ATP2C2: variants seen among roughly 807,000 people sequenced by gnomAD.
ATP2C2 encodes the protein calcium-transporting ATPase type 2C member 2.
A neutral mutation model predicts 110.8 loss-of-function variants in ATP2C2; 171 were observed. The ratio of observed to expected loss-of-function variants is 1.54; its 90% CI spans 1.36 to 1.75. ATP2C2 has a LOEUF of 1.75. Ranked by LOEUF, ATP2C2 falls within the 40% of genes most tolerant of loss-of-function variation. The pLI is 0.00. For synonymous variants in ATP2C2, 804 were observed against 508.4 expected (o/e 1.58, Z -7.82); for missense variants, 1,963 against 1,235.0 (o/e 1.59, Z -8.84).
intron 1 of ATP2C2, among the ~76,000 whole-genome samples, chr16:84,397,188 C>G (rs543509605): frequency 2.6e-5 from 4 of 151,866 alleles, no homozygotes; most frequent in African/African-American, 4.9e-5. Flanking sequence ...CAAAGCCTCC[C>G]GAAGCCTCCA....
At chr16:84,447,126 A>T (rs908641246) in intron 16 of ATP2C2, among the ~76,000 whole-genome samples, 2 of 152,036 alleles carry the variant, frequency 1.3e-5, no homozygotes, top group Admixed American at 6.6e-5. Flanking sequence ...GTTGCCTTCT[A>T]CCGTTTTCTC....
intron 11 of ATP2C2, among the ~76,000 whole-genome samples, chr16:84,430,871 C>G (rs1482277004): frequency 6.6e-6 from 1 of 152,032 alleles, no homozygotes; most frequent in Non-Finnish European, 1.5e-5. Context: ...CCACTGAAGC[C>G]TGATCCAAAG....
chr16:84,391,950 C>G (rs1263262255), intron 1 of ATP2C2, among the ~76,000 whole-genome samples: 14 of 150,820 alleles, frequency 9.3e-5, no homozygotes, highest in Admixed American at 2.0e-4. Context: ...GATTATATTA[C>G]GACGATTGTT....
intron 11 of ATP2C2, among the ~76,000 whole-genome samples, chr16:84,432,920 G>T (rs1217110358): frequency 6.6e-6 from 1 of 152,170 alleles, no homozygotes; most frequent in Admixed American, 6.5e-5. Context: ...TCCCCTGAGA[G>T]CGGGCTCCAG....
At chr16:84,455,537 C>T (rs1458915324) in intron 21 of ATP2C2, among the ~76,000 whole-genome samples, 6 of 149,454 alleles carry the variant, frequency 4.0e-5, no homozygotes, top group African/African-American at 1.2e-4. Context: ...TTTCACTTTT[C>T]TGTATTTTTT....
At chr16:84,395,245 G>C (rs780004045) in intron 1 of ATP2C2, among the ~76,000 whole-genome samples, 16 of 151,948 alleles carry the variant, frequency 1.1e-4, no homozygotes, top group Non-Finnish European at 1.8e-4. Flanking sequence ...CAAAACACAG[G>C]GGAGTGAGGG....
At position 84,425,735 on chromosome 16, in the gene ATP2C2, G is replaced by T; in HGVS notation, c.920G>T (p.Gly307Val). ...AAGGATGTTTTTGTCTCTTCCCCAG[G>T]TCTCATCATGCTCATTGGCTGGTCG... The part of the protein sequence containing the change: ...QLTLFSFGII[G>V]LIMLIGWSQG... The change falls in exon 11 of 27, where the codon GGT (glycine) becomes GTT (valine). Residue 307 changes from glycine (G) to valine (V), a missense_variant and splice_region_variant. Gly to Val is a moderately radical substitution (Grantham distance 109). Coordinates refer to ENST00000262429, the MANE Select transcript of ATP2C2 (RefSeq NM_014861.4). 6.2e-7 allele frequency: 1 copy of T among 1,614,060 alleles called. No homozygotes were observed. Among genetic ancestry groups the T allele is most frequent in the Non-Finnish European group, 8.5e-7 (1 of 1,179,966 alleles).
At position 84,391,773 on chromosome 16, in the gene ATP2C2, C is replaced by A. The variant is rs545054035; in HGVS notation, c.100-6726C>A. ...ACAAATTTCGGTTGTTTTAAGCCAC[C>A]GAGTTTGTGTTGGTTGTTTGTTACA... On this transcript the variant is annotated intron_variant, in intron 1 of 26. Transcript: ENST00000262429. Among the ~76,000 whole-genome samples the A allele has an allele frequency of 5.3e-5, 8 of 152,240 alleles. No individual in the cohort carries two copies. The South Asian group carries it at 1.7e-3, about 32-fold the overall frequency.
rs780942936 is a variant in ATP2C2 at position 84,410,519 on chromosome 16, C to G, written c.418-49C>G. The G allele has an allele frequency of 9.4e-6, 15 of 1,597,734 alleles. 1 individual carries two copies. Among genetic ancestry groups the G allele is most frequent in the Admixed American group, 6.7e-5 (4 of 59,974 alleles). On this transcript the variant is annotated intron_variant, in intron 4 of 26. Transcript: ENST00000262429. Reference sequence around the variant, plus strand: ...CCCTAGCCTGCCACGCCCTGTCCCCCCTCCCACTGAGCCTCTGGTACTGAC... The same window carrying G: ...CCCTAGCCTGCCACGCCCTGTCCCCGCTCCCACTGAGCCTCTGGTACTGAC...
At chr16:84,375,800 A>T (rs767371593) in intron 1 of ATP2C2, among the ~76,000 whole-genome samples, 1 of 152,248 alleles carries the variant, frequency 6.6e-6, no homozygotes, top group Non-Finnish European at 1.5e-5. Context: ...TCTTCTTTGT[A>T]ATCTTGTGCA....
chr16:84,383,641 A>G (rs1910715984), intron 1 of ATP2C2, among the ~76,000 whole-genome samples: 1 of 152,106 alleles, frequency 6.6e-6, no homozygotes, highest in Non-Finnish European at 1.5e-5. Flanking sequence ...CAGCATCGTC[A>G]GTACATTTCG....
At chr16:84,408,061 G>T (rs1905932556) in intron 3 of ATP2C2, among the ~76,000 whole-genome samples, 1 of 152,256 alleles carries the variant, frequency 6.6e-6, no homozygotes, top group Middle Eastern at 3.2e-3. Context: ...TGTGGTGAGA[G>T]AGGATCCTTG....
chr16:84,431,911 G>C (rs1241047001), intron 11 of ATP2C2, among the ~76,000 whole-genome samples: 2 of 152,090 alleles, frequency 1.3e-5, no homozygotes, highest in East Asian at 1.9e-4. Flanking sequence ...GGGAGGAAGG[G>C]GGCACTGGAG....
At chr16:84,430,239 A>T (rs1049349098) in intron 11 of ATP2C2, among the ~76,000 whole-genome samples, 2 of 152,188 alleles carry the variant, frequency 1.3e-5, no homozygotes, top group Non-Finnish European at 2.9e-5. Context: ...TGGATGGACA[A>T]CAAGCTCGTT....
rs1906727478 is a variant in ATP2C2 at position 84,415,239 on chromosome 16, C to T, written c.516-244C>T. 2.6e-5 allele frequency among the ~76,000 whole-genome samples: 4 copies of T among 152,140 alleles called. No individual in the cohort carries two copies. The South Asian group carries it at 8.3e-4, about 32-fold the overall frequency. On this transcript the variant is annotated intron_variant, in intron 6 of 26. Coordinates refer to ENST00000262429, the MANE Select transcript of ATP2C2 (RefSeq NM_014861.4). ...CTGGGGCATGTGGCCCACGTGGTTT[C>T]CAGGCAGGGTAAACAGCAATGGCCT...
At position 84,454,912 on chromosome 16, in the gene ATP2C2, G is replaced by A. The variant is rs1337623324; in HGVS notation, c.2075G>A (p.Gly692Glu). ...LKSADIGIAM[G>E]QTGTDVSKEA... ...TCTGCAGACATTGGGATCGCCATGG[G>A]GCAGACAGGGACGGACGTCAGCAAA... Residue 692 changes from glycine to glutamate, a missense_variant, in exon 21 of 27, where the codon GGG (glycine) becomes GAG (glutamate). Physicochemically the swap from Gly to Glu is moderately conservative, Grantham distance 98. Transcript: ENST00000262429. 1 of 1,614,038 alleles carries A rather than the reference G, an allele frequency of 6.2e-7. No homozygotes were observed. The highest frequency in any genetic ancestry group is 1.3e-5 in the African/African-American group (1 of 75,042).
At chr16:84,396,647 G>A (rs371967249) in intron 1 of ATP2C2, among the ~76,000 whole-genome samples, 1 of 151,732 alleles carries the variant, frequency 6.6e-6, no homozygotes, top group Non-Finnish European at 1.5e-5. Context: ...GGGATGGGGG[G>A]AGTGCCCAGC....
In ATP2C2 at chr16:84,440,963, G is replaced by A. The variant is rs770298425; in HGVS notation, c.1311+5G>A. On this transcript the variant is annotated splice_donor_5th_base_variant and intron_variant, in intron 14 of 26. Coordinates refer to ENST00000262429, the MANE Select transcript of ATP2C2 (RefSeq NM_014861.4). Reference sequence around the variant, plus strand: ...TCAGTGGGAAAGTTAGTGGAGGTAGGTGTCAAAAGCGCCATGAGGGAAATA... The same window carrying A: ...TCAGTGGGAAAGTTAGTGGAGGTAGATGTCAAAAGCGCCATGAGGGAAATA... 1.6e-5 allele frequency: 25 copies of A among 1,605,734 alleles called. No homozygotes were observed. Among genetic ancestry groups the A allele is most frequent in the Non-Finnish European group, 2.1e-5 (25 of 1,174,184 alleles).
In ATP2C2 at chr16:84,448,594, T is replaced by G. The variant is rs1567734669; in HGVS notation, c.1565T>G (p.Met522Arg). The G allele has an allele frequency of 1.2e-6, 2 of 1,614,068 alleles. No individual in the cohort carries two copies. Among genetic ancestry groups the G allele is most frequent in the Non-Finnish European group, 1.7e-6 (2 of 1,179,986 alleles). ...GAAGAGGTGATCCGCTACTGCACCA[T>G]GTACAACAACGGGGGCATCCCCCTG... Reference protein sequence around the residue: ...ALEEVIRYCTMYNNGGIPLPL... With the variant: ...ALEEVIRYCTRYNNGGIPLPL... Residue 522 changes from methionine (M) to arginine (R), a missense_variant, in exon 17 of 27, where the codon ATG (methionine) becomes AGG (arginine). Physicochemically the swap from Met to Arg is moderately conservative, Grantham distance 91. Coordinates refer to ENST00000262429, the MANE Select transcript of ATP2C2 (RefSeq NM_014861.4).
Sources: allele counts gnomAD v4.1 joint callset (sites outside exome capture counted in the v4.1 genomes callset), GRCh38; gene constraint gnomAD v4.1.1; transcripts MANE v1.5; gene names NCBI Gene and HGNC (gene_info 2026-07-23, HGNC 2026-07-21).